The following SATL1 variants were observed in gnomAD, a reference collection of about 807,000 sequenced individuals.
The protein encoded by SATL1 is spermidine/spermine N1-acetyl transferase like 1.
A neutral mutation model predicts 51.8 loss-of-function variants in SATL1; 47 were observed. The ratio of observed to expected loss-of-function variants is 0.91; its 90% CI spans 0.72 to 1.16. The LOEUF is 1.16. Ranked by LOEUF, SATL1 falls within the 50% of genes most tolerant of loss-of-function variation. SATL1 has a pLI of 0.00. For synonymous variants in SATL1, 176 were observed against 182.4 expected (o/e 0.97, Z 0.28); for missense variants, 520 against 526.4 (o/e 0.99, Z 0.12).
intron 2 of SATL1, among the ~76,000 whole-genome samples, chrX:85,172,002 C>T (rs1041912200): frequency 1.8e-5 from 2 of 111,466 alleles, no homozygotes; most frequent in Non-Finnish European, 3.8e-5. Context: ...TCATATCACT[C>T]ACACTGCTTT....
rs766254780 is a variant in SATL1, at chrX:85,108,627, T to C, written c.342A>G (p.Pro114=). Reference sequence around the variant, plus strand: ...GTGATTGGCTGGGGCCTGATTGGCTTGGGCCTGGTTGCGATGGGTCTGGTT... The same window carrying C: ...GTGATTGGCTGGGGCCTGATTGGCTCGGGCCTGGTTGCGATGGGTCTGGTT... ...ISQPDPSQPG[P]SQSGPSQSRM... The change falls in exon 3 of 8, where the codon CCA becomes CCG. Residue 114 remains proline, a synonymous_variant. Coordinates refer to ENST00000644105, the MANE Select transcript of SATL1 (RefSeq NM_001367857.2). 8 of 1,200,427 alleles carry C rather than the reference T, an allele frequency of 6.7e-6. No individual in the cohort carries two copies. In the South Asian group the frequency reaches 1.1e-4, roughly 16 times the overall value.
intron 4 of SATL1, among the ~76,000 whole-genome samples, chrX:85,099,349 C>A (rs145266264): frequency 1.8e-5 from 2 of 111,551 alleles, no homozygotes; most frequent in Admixed American, 9.6e-5. Flanking sequence ...TAATACCAGT[C>A]GTTCTCTAAC....
chrX:85,209,325 G>C (rs1181318517), intron 2 of SATL1: 2 of 111,658 alleles, frequency 1.8e-5, no homozygotes, highest in Non-Finnish European at 3.8e-5. Context: ...CTCCAGCTTT[G>C]TTCTTTTGGC....
At chrX:85,150,290 G>A (rs1331260533) in intron 2 of SATL1, among the ~76,000 whole-genome samples, 1 of 111,389 alleles carries the variant, frequency 9.0e-6, no homozygotes, top group Non-Finnish European at 1.9e-5. Flanking sequence ...CTGAATAGAT[G>A]AATAATAGGC....
chrX:85,115,069 A>G (rs1396335727), intron 2 of SATL1, among the ~76,000 whole-genome samples: 1 of 111,870 alleles, frequency 8.9e-6, no homozygotes, highest in Non-Finnish European at 1.9e-5. Flanking sequence ...AATGGAGGCT[A>G]CAGGAGGAAG....
At chrX:85,236,277 A>G (rs1928479911) in intron 1 of SATL1, among the ~76,000 whole-genome samples, 1 of 111,182 alleles carries the variant, frequency 9.0e-6, no homozygotes, top group Middle Eastern at 4.2e-3. Context: ...TACCAATCCT[A>G]TTCAAGCTAT....
intron 2 of SATL1, among the ~76,000 whole-genome samples, chrX:85,134,377 G>T (rs1925897468): frequency 9.0e-6 from 1 of 111,550 alleles, no homozygotes; most frequent in African/African-American, 3.3e-5. Context: ...GAAGGTAGAG[G>T]TGAAGCTCTC....
intron 2 of SATL1, among the ~76,000 whole-genome samples, chrX:85,192,207 A>C (rs1428809300): frequency 9.0e-6 from 1 of 111,722 alleles, no homozygotes; most frequent in African/African-American, 3.2e-5. Flanking sequence ...CTCAACTTTC[A>C]CCATTCATTC....
rs184830695 is a variant in SATL1 at position 85,132,352 on chromosome X, T to A, written c.-312-23072A>T. 5.3e-3 allele frequency among the ~76,000 whole-genome samples: 590 copies of A among 111,571 alleles called. 3 individuals carry two copies. The highest frequency in any genetic ancestry group is 0.018 in the African/African-American group (552 of 30,675). On this transcript the variant is annotated intron_variant, in intron 2 of 7. Coordinates refer to ENST00000644105, the MANE Select transcript of SATL1 (RefSeq NM_001367857.2). ...TTTGGAGGCTTTGTTCATTTCTTTT[T>A]ACTCTTTTTTTTTCTAAACTTCTCT... is the stretch of plus-strand genomic sequence containing the variant.
intron 2 of SATL1, among the ~76,000 whole-genome samples, chrX:85,155,163 A>ACAT (rs757192222): frequency 4.5e-5 from 5 of 111,857 alleles, no homozygotes; most frequent in African/African-American, 1.6e-4. Context: ...TCAATGCTAA[A>ACAT]CATTAATTTT....
chrX:85,202,799 G>A (rs1025999375), intron 2 of SATL1, among the ~76,000 whole-genome samples: 1 of 111,708 alleles, frequency 9.0e-6, no homozygotes, highest in Non-Finnish European at 1.9e-5. Flanking sequence ...TCCTCTCCTT[G>A]GGTCAACTGC....
At chrX:85,093,136 T>C in intron 7 of SATL1, 49 bp downstream of exon 7, 1 of 1,088,254 alleles carries the variant, frequency 9.2e-7, no homozygotes, top group South Asian at 2.1e-5. Flanking sequence ...TGAATATTTA[T>C]TAAGAAAAGG....
At chrX:85,137,158 A>T (rs1042745790) in intron 2 of SATL1, among the ~76,000 whole-genome samples, 1 of 111,121 alleles carries the variant, frequency 9.0e-6, no homozygotes, top group African/African-American at 3.3e-5. Flanking sequence ...TTGAGATGGG[A>T]ATGGAAGAGT....
intron 1 of SATL1, among the ~76,000 whole-genome samples, chrX:85,225,165 A>T (rs66902827): frequency 0.13 from 14,424 of 111,392 alleles, 710 homozygotes; most frequent in South Asian, 0.18. Context: ...AACAAAACGG[A>T]TCCTTGCAGT....
Position 85,123,027 on chromosome X carries a change from G to A in SATL1, c.-312-13747C>T, listed in dbSNP as rs757227997. The stretch of plus-strand genomic sequence containing the variant: ...ATGACTGCACAGAATTCTGTGATGC[G>A]TATATATCACATTTTCTTTATCCAG... On this transcript the variant is annotated intron_variant, in intron 2 of 7. Transcript: ENST00000644105. 9.0e-5 allele frequency among the ~76,000 whole-genome samples: 10 copies of A among 111,567 alleles called. No individual in the cohort carries two copies. In the South Asian group the frequency reaches 2.3e-3, roughly 25 times the overall value.
intron 1 of SATL1, among the ~76,000 whole-genome samples, chrX:85,234,751 A>C (rs939939805): frequency 1.8e-5 from 2 of 111,354 alleles, no homozygotes; most frequent in South Asian, 7.5e-4. Context: ...ATGCTACCAC[A>C]GGCAATCACT....
intron 2 of SATL1, among the ~76,000 whole-genome samples, chrX:85,150,563 T>C (rs1926399434): frequency 9.0e-6 from 1 of 111,048 alleles, no homozygotes; most frequent in African/African-American, 3.3e-5. Context: ...GCAAAAATCC[T>C]CAATAAAATA....
rs376753642 is a variant in SATL1 at position 85,174,018 on chromosome X, C to T, written c.-313+50187G>A. On this transcript the variant is annotated intron_variant, in intron 2 of 7. Transcript: ENST00000644105. Reference sequence around the variant, plus strand: ...ATTCCCACCTATGAGTGAGAACATGCGGTGTTTGGTTTTTCTGTCCTTGTG... The same window carrying T: ...ATTCCCACCTATGAGTGAGAACATGTGGTGTTTGGTTTTTCTGTCCTTGTG... Among the ~76,000 whole-genome samples, 11 of 105,438 alleles carry T rather than the reference C, an allele frequency of 1.0e-4. No homozygotes were observed. The East Asian group carries it at 1.9e-3, about 18-fold the overall frequency. 91.6% of individuals were successfully genotyped at this position (105,438 alleles called of 115,157 possible).
At chrX:85,177,937 GA>G (rs1370553881) in intron 2 of SATL1, among the ~76,000 whole-genome samples, 2 of 111,601 alleles carry the variant, frequency 1.8e-5, no homozygotes, top group Non-Finnish European at 3.8e-5. Flanking sequence ...AAGCATTCCA[GA>G]AGACTAAGAT....
Sources: gnomAD v4.1 joint callset for allele counts (sites outside exome capture counted in the v4.1 genomes callset) on GRCh38, gnomAD v4.1.1 for gene constraint, MANE v1.5 for transcripts, NCBI Gene and HGNC (gene_info 2026-07-23, HGNC 2026-07-21) for gene names.